CYP4F11: variants seen among roughly 807,000 people sequenced by gnomAD.
The protein encoded by CYP4F11 is cytochrome P450 4F11.
A neutral mutation model predicts 62.2 loss-of-function variants in CYP4F11; 79 were observed. The ratio of observed to expected loss-of-function variants is 1.27; its 90% CI spans 1.06 to 1.53. CYP4F11 has a LOEUF of 1.53. Among genes scored for constraint, CYP4F11 ranks in the 40% most tolerant of loss-of-function variants. The pLI is 0.00. For missense variants in CYP4F11, 777 were observed against 680.5 expected (o/e 1.14, Z -1.58); for synonymous variants, 290 against 263.7 (o/e 1.10, Z -0.97).
chr19:15,916,738 G>T (rs1181619008), intron 8 of CYP4F11, among the ~76,000 whole-genome samples: 3 of 147,276 alleles, frequency 2.0e-5, no homozygotes, highest in African/African-American at 7.5e-5. Context: ...CCCTACTTCT[G>T]CAAGAATAAC....
At chr19:15,922,223 A>G in intron 7 of CYP4F11, 57 bp from the exon 8 acceptor site, 3 of 1,597,668 alleles carry the variant, frequency 1.9e-6, no homozygotes, top group Non-Finnish European at 2.6e-6. Flanking sequence ...CAGAGGGAGG[A>G]GAGCACCCAA....
rs141730885 is a variant in CYP4F11 at position 15,920,221 on chromosome 19, T to C, written c.1115+1816A>G. ...TTTGTCAATTAAAAATAAAGACAAATTAAAAAACAAACTCATTTTCTAAAA... is the reference window on the plus strand; with the variant it reads ...TTTGTCAATTAAAAATAAAGACAAACTAAAAAACAAACTCATTTTCTAAAA... On this transcript the variant is annotated intron_variant, in intron 8 of 11. Coordinates refer to ENST00000402119, the MANE Select transcript of CYP4F11 (RefSeq NM_021187.4). Among the ~76,000 whole-genome samples the C allele has an allele frequency of 5.9e-5, 9 of 152,176 alleles. No individual in the cohort carries two copies. The East Asian group carries it at 1.7e-3, about 29-fold the overall frequency.
At position 15,923,986 on chromosome 19, in the gene CYP4F11, A is replaced by G; in HGVS notation, c.744T>C (p.Tyr248=). 6.2e-7 allele frequency: 1 copy of G among 1,614,194 alleles called. No individual in the cohort carries two copies. Among genetic ancestry groups the G allele is most frequent in the African/African-American group, 1.3e-5 (1 of 75,052 alleles). ...QILLHTDFLY[Y]LTPDGQRFRR... ...GGAAGCGCTGCCCATCAGGAGTGAG[A>G]TAATACAGGAAGTCCGTGTGCAAGA... Residue 248 remains tyrosine (Y), a synonymous_variant, in exon 6 of 12, where the codon TAT becomes TAC. Transcript: ENST00000402119.
chr19:15,922,764 T>G (rs1171656607), intron 6 of CYP4F11, among the ~76,000 whole-genome samples: 1 of 152,194 alleles, frequency 6.6e-6, no homozygotes, highest in Non-Finnish European at 1.5e-5. Context: ...GGTTAGAAAT[T>G]AAGTATTGGC....
Position 15,928,395 on chromosome 19 carries a change from C to T in CYP4F11, c.344-912G>A, listed in dbSNP as rs546013945. ...AGAAAGGTGGGCTTTCTGATTGGAA[C>T]TGGGCTTCTGAGACTCATCGTTGAC... is the stretch of plus-strand genomic sequence containing the variant. On this transcript the variant is annotated intron_variant, in intron 2 of 11. Coordinates refer to ENST00000402119, the MANE Select transcript of CYP4F11 (RefSeq NM_021187.4). Among the ~76,000 whole-genome samples the T allele has an allele frequency of 1.2e-4, 18 of 152,272 alleles. No individual in the cohort carries two copies. The South Asian group carries it at 3.7e-3, about 32-fold the overall frequency.
chr19:15,917,384 C>G (rs1363346336), intron 8 of CYP4F11, among the ~76,000 whole-genome samples: 1 of 152,004 alleles, frequency 6.6e-6, no homozygotes, highest in Admixed American at 6.6e-5. Flanking sequence ...GTACCCCACC[C>G]CCAAATTACT....
chr19:15,916,610 G>A (rs973975493), intron 8 of CYP4F11, among the ~76,000 whole-genome samples: 2 of 152,006 alleles, frequency 1.3e-5, no homozygotes, highest in African/African-American at 4.8e-5. Context: ...TCAAAAAGTA[G>A]GCAAAGACAT....
At chr19:15,927,673 G>A in intron 2 of CYP4F11, 190 bp from the exon 3 acceptor site, 3 of 674,368 alleles carry the variant, frequency 4.4e-6, no homozygotes, top group Non-Finnish European at 7.6e-6. Flanking sequence ...TGCAGCGACA[G>A]AGTAGAGCAA....
In CYP4F11 at chr19:15,913,829, G is replaced by A. The variant is rs151267237; in HGVS notation, c.1478C>T (p.Pro493Leu). ...TTTCCTGCGGGGTTCAGTGTGGGTCGGCAGGATGCGGAAGTGCAGCAGGGT... is the reference window on the plus strand; with the variant it reads ...TTTCCTGCGGGGTTCAGTGTGGGTCAGCAGGATGCGGAAGTGCAGCAGGGT... ...ALTLLHFRILPTHTEPRRKPE... is the reference protein window; with the variant it reads ...ALTLLHFRILLTHTEPRRKPE... The change falls in exon 12 of 12, where the codon CCG (proline) becomes CTG (leucine). Residue 493 changes from proline to leucine, a missense_variant. Pro to Leu is a moderately conservative substitution (Grantham distance 98, BLOSUM62 -3). Transcript: ENST00000402119. 2.6e-5 allele frequency: 42 copies of A among 1,613,984 alleles called. No homozygotes were observed. In the Middle Eastern group the frequency reaches 1.3e-3, roughly 51 times the overall value.
At chr19:15,920,912 C>G (rs1217698830) in intron 8 of CYP4F11, among the ~76,000 whole-genome samples, 1 of 151,920 alleles carries the variant, frequency 6.6e-6, no homozygotes, top group Non-Finnish European at 1.5e-5. Context: ...CTTTCTTTCT[C>G]TCTTGCTTTC....
chr19:15,913,977 C>T (rs2089560635), intron 11 of CYP4F11, 68 bp from the exon 12 acceptor site: 1 of 1,541,906 alleles, frequency 6.5e-7, no homozygotes, highest in African/African-American at 1.4e-5. Context: ...ATGCTTAGAA[C>T]CTGGCCTGGG....
chr19:15,922,386 T>C lies in CYP4F11; in HGVS notation c.963A>G (p.Glu321=). 1 of 1,614,160 alleles carries C rather than the reference T, an allele frequency of 6.2e-7. No individual in the cohort carries two copies. Among genetic ancestry groups the C allele is most frequent in the South Asian group, 1.1e-5 (1 of 91,084 alleles). The change falls in exon 7 of 12, where the codon GAA becomes GAG. Residue 321 remains glutamate, a synonymous_variant. Transcript: ENST00000402119. ...KELSDEDIRA[E]ADTFMFEGHD... is the part of the protein sequence containing the mutation. ...CACCCTCAAACATGAAGGTGTCAGC[T>C]TCTGCTCTTATGTCCTCATCAGACA...
At chr19:15,918,854 A>C (rs1370926913) in intron 8 of CYP4F11, among the ~76,000 whole-genome samples, 1 of 151,970 alleles carries the variant, frequency 6.6e-6, no homozygotes, top group Non-Finnish European at 1.5e-5. Context: ...AATTGGCCAT[A>C]TCTACAATAA....
In CYP4F11 at chr19:15,913,224, G is replaced by A; in HGVS notation, c.*508C>T. 6.1e-6 allele frequency: 1 copy of A among 163,632 alleles called. No individual in the cohort carries two copies. The highest frequency in any genetic ancestry group is 1.4e-5 in the Non-Finnish European group (1 of 73,654). 10.1% of individuals were successfully genotyped at this position (163,632 alleles called of 1,614,324 possible). Reference sequence around the variant, plus strand: ...AGAGAGTCACAGAGAGAACGCACTGGGAGGGGGAGAAACAGGGGTGGGAAG... The same window carrying A: ...AGAGAGTCACAGAGAGAACGCACTGAGAGGGGGAGAAACAGGGGTGGGAAG... On this transcript the variant is annotated 3_prime_UTR_variant, in exon 12 of 12. Transcript: ENST00000402119.
rs547384373 is a variant in CYP4F11 at position 15,927,335 on chromosome 19, A to T, written c.402T>A (p.Asp134Glu). Residue 134 changes from aspartate to glutamate, a missense_variant, in exon 4 of 12, where the codon GAT becomes GAA. By Grantham distance (45) the Asp-to-Glu change is conservative. Transcript: ENST00000402119. The part of the protein sequence containing the change: ...FYGFLKPWLG[D>E]GLLLSGGDKW... ...TGTCACCACCACTCAGCAGGAGCCCATCCCCTGGCAGGGCAACCAAGGACA... is the reference window on the plus strand; with the variant it reads ...TGTCACCACCACTCAGCAGGAGCCCTTCCCCTGGCAGGGCAACCAAGGACA... 1.2e-6 allele frequency: 2 copies of T among 1,614,126 alleles called. No individual in the cohort carries two copies. The highest frequency in any genetic ancestry group is 4.5e-5 in the East Asian group (2 of 44,888).
intron 8 of CYP4F11, among the ~76,000 whole-genome samples, chr19:15,919,204 A>G (rs2089604298): frequency 6.8e-6 from 1 of 147,982 alleles, no homozygotes; most frequent in African/African-American, 2.5e-5. Context: ...CATTTCATTG[A>G]CTCCTAATTA....
Position 15,914,382 on chromosome 19 carries a change from G to A in CYP4F11, c.1320C>T (p.Tyr440=), listed in dbSNP as rs753047210. The part of the protein sequence containing the change: ...NPTVWPDPEV[Y]DPFRFDQENI... ...TCTCTTGGTCGAAACGGAAGGGGTCGTAGACCTGCAGGTGAGACCAAGAAG... is the reference window on the plus strand; with the variant it reads ...TCTCTTGGTCGAAACGGAAGGGGTCATAGACCTGCAGGTGAGACCAAGAAG... The change falls in exon 11 of 12, where the codon TAC becomes TAT. Residue 440 remains tyrosine (Y), a synonymous_variant. Transcript: ENST00000402119. The A allele has an allele frequency of 2.0e-5, 33 of 1,613,696 alleles. No homozygotes were observed. The highest frequency in any genetic ancestry group is 3.3e-5 in the Admixed American group (2 of 59,980).
At position 15,929,611 on chromosome 19, in the gene CYP4F11, A is replaced by C; in HGVS notation, c.199-10T>G. The C allele has an allele frequency of 6.3e-7, 1 of 1,581,618 alleles. No homozygotes were observed. Among genetic ancestry groups the C allele is most frequent in the Non-Finnish European group, 8.6e-7 (1 of 1,162,522 alleles). The stretch of plus-strand genomic sequence containing the variant: ...CTTCCGTGGGAGTGACCTGAAAACA[A>C]GGCAGAGGCCGTCAGCCCTTGTGAT... On this transcript the variant is annotated splice_polypyrimidine_tract_variant and intron_variant, in intron 1 of 11. Transcript: ENST00000402119.
chr19:15,914,511 G>A, intron 10 of CYP4F11, 91 bp downstream of exon 10: 1 of 1,557,868 alleles, frequency 6.4e-7, no homozygotes, highest in Admixed American at 1.7e-5. Flanking sequence ...TTGAGGAGAG[G>A]TGATGTTGGA....
Sources: gnomAD v4.1 joint callset for allele counts (sites outside exome capture counted in the v4.1 genomes callset) on GRCh38, gnomAD v4.1.1 for gene constraint, MANE v1.5 for transcripts, NCBI Gene and HGNC (gene_info 2026-07-23, HGNC 2026-07-21) for gene names.